The following RAPGEF1 variants were observed in gnomAD, a reference collection of about 807,000 sequenced individuals.
The protein encoded by RAPGEF1 is CRK SH3-binding GNRP.
RAPGEF1 carries 33 observed loss-of-function variants against 143.3 expected under a neutral mutation model. The ratio of observed to expected loss-of-function variants is 0.23; its 90% CI spans 0.17 to 0.31. The LOEUF (loss-of-function observed/expected upper bound fraction) is 0.31, where lower values mean the gene tolerates loss of function less well. Among genes scored for constraint, RAPGEF1 ranks in the 10% least tolerant of loss-of-function variants. The pLI is 1.00. For missense variants in RAPGEF1, 1,199 were observed against 1,645.4 expected (o/e 0.73, Z 4.69); for synonymous variants, 629 against 676.5 (o/e 0.93, Z 1.09).
At position 131,584,775 on chromosome 9, in the gene RAPGEF1, C is replaced by A. The variant is rs1213835364; in HGVS notation, c.3234-179G>T. Among the ~76,000 whole-genome samples, 1 of 152,228 alleles carries A rather than the reference C, an allele frequency of 6.6e-6. No homozygotes were observed. Among genetic ancestry groups the A allele is most frequent in the African/African-American group, 2.4e-5 (1 of 41,450 alleles). Reference sequence around the variant, plus strand: ...GTTTCTGCTCTCCAGGAGCTCATAACATCCTGGGACAGAGGCACAAGGAAA... The same window carrying A: ...GTTTCTGCTCTCCAGGAGCTCATAAAATCCTGGGACAGAGGCACAAGGAAA... On this transcript the variant is annotated intron_variant, in intron 22 of 26. Coordinates refer to ENST00000683357, the MANE Select transcript of RAPGEF1 (RefSeq NM_001377935.1). The surrounding 1 kb of genome is among the most constrained non-coding windows in gnomAD (Gnocchi z 6.8).
intron 1 of RAPGEF1, among the ~76,000 whole-genome samples, chr9:131,657,156 G>A (rs889802294): frequency 6.6e-6 from 1 of 152,044 alleles, no homozygotes. Context: ...AATGCTTTGC[G>A]ATAGCAGGGT....
intron 1 of RAPGEF1, among the ~76,000 whole-genome samples, chr9:131,722,418 G>A (rs1432960024): frequency 3.9e-5 from 6 of 152,250 alleles, no homozygotes; most frequent in African/African-American, 1.4e-4. Context: ...TGTCAACTCA[G>A]AGAGAGTAAG....
intron 20 of RAPGEF1, 72 bp from the exon 21 acceptor site, chr9:131,588,098 C>A: frequency 1.5e-6 from 2 of 1,303,438 alleles, no homozygotes; most frequent in Non-Finnish European, 1.1e-6. Flanking sequence ...CAGGCCCGGG[C>A]TGCGGGCGTC....
rs1240403356 is a variant in RAPGEF1, at chr9:131,626,256, C to T, written c.1368G>A (p.Gln456=). The change falls in exon 10 of 27, where the codon CAG becomes CAA. Residue 456 remains glutamine, a synonymous_variant. Coordinates refer to ENST00000683357, the MANE Select transcript of RAPGEF1 (RefSeq NM_001377935.1). ...PFQLPLGGHP[Q]PDGPLAPGQQ... is the part of the protein sequence containing the mutation. The stretch of plus-strand genomic sequence containing the variant: ...GCCCTGGGGCCAGAGGTCCGTCTGG[C>T]TGGGGATGGCCGCCAAGAGGCAGCT... The T allele has an allele frequency of 1.9e-6, 3 of 1,613,888 alleles. No homozygotes were observed. In the South Asian group the frequency reaches 3.3e-5, roughly 18 times the overall value.
intron 3 of RAPGEF1, among the ~76,000 whole-genome samples, chr9:131,649,772 T>C (rs1970620110): frequency 6.6e-6 from 1 of 152,120 alleles, no homozygotes; most frequent in South Asian, 2.1e-4. Flanking sequence ...TCAGAAGCCT[T>C]TTCCCTTCTA....
chr9:131,658,801 T>C (rs1973199940), intron 1 of RAPGEF1, among the ~76,000 whole-genome samples: 1 of 152,234 alleles, frequency 6.6e-6, no homozygotes, highest in Non-Finnish European at 1.5e-5. Context: ...CATTCTTAAA[T>C]TTTTAACTTG....
In RAPGEF1 at chr9:131,626,152, C is replaced by T; in HGVS notation, c.1472G>A (p.Cys491Tyr). The T allele has an allele frequency of 5.0e-6, 8 of 1,613,870 alleles. No individual in the cohort carries two copies. Among genetic ancestry groups the T allele is most frequent in the Non-Finnish European group, 6.8e-6 (8 of 1,179,882 alleles). The part of the protein sequence containing the change: ...AASQTADGSG[C>Y]RVSYERHPSQ... ...GGGATGCCGCTCGTAGGACACCCTG[C>T]AGCCAGAGCCGTCCGCCGTCTGGGA... The change falls in exon 10 of 27, where the codon TGC becomes TAC. Residue 491 changes from cysteine (C) to tyrosine (Y), a missense_variant. Transcript: ENST00000683357.
At chr9:131,693,487 T>C (rs1833925907) in intron 1 of RAPGEF1, among the ~76,000 whole-genome samples, 1 of 152,070 alleles carries the variant, frequency 6.6e-6, no homozygotes, top group Non-Finnish European at 1.5e-5. Context: ...AACAGGCCAG[T>C]TGTAGCTGGC....
At chr9:131,644,318 G>A (rs973678694) in intron 3 of RAPGEF1, among the ~76,000 whole-genome samples, 6 of 151,766 alleles carry the variant, frequency 4.0e-5, no homozygotes, top group African/African-American at 1.2e-4. Flanking sequence ...TCAGCTGGCT[G>A]GCAGGAAAAG....
chr9:131,586,750 C>T (rs1363410241), intron 22 of RAPGEF1, among the ~76,000 whole-genome samples: 3 of 97,948 alleles, frequency 3.1e-5, no homozygotes, highest in African/African-American at 8.8e-5. Context: ...ACCTGCAGAG[C>T]GAGACTCCGT....
intron 1 of RAPGEF1, among the ~76,000 whole-genome samples, chr9:131,722,960 G>T (rs1359545496): frequency 1.3e-5 from 2 of 152,258 alleles, no homozygotes; most frequent in Admixed American, 1.3e-4. Flanking sequence ...TTGGGAGGCT[G>T]AGGCTGGCAG....
chr9:131,579,749 C>T, intron 26 of RAPGEF1, 102 bp from the exon 27 acceptor site: 1 of 1,300,536 alleles, frequency 7.7e-7, no homozygotes, highest in Non-Finnish European at 1.1e-6. Flanking sequence ...TCCCCACAGC[C>T]TCGCAGCAAA....
chr9:131,615,580 G>A (rs992143881), intron 12 of RAPGEF1, among the ~76,000 whole-genome samples: 1 of 152,238 alleles, frequency 6.6e-6, no homozygotes, highest in African/African-American at 2.4e-5. Flanking sequence ...GCCTGCGGAT[G>A]GGGAGGACTG....
intron 12 of RAPGEF1, among the ~76,000 whole-genome samples, chr9:131,612,189 G>T (rs1231971775): frequency 6.6e-6 from 1 of 152,216 alleles, no homozygotes; most frequent in African/African-American, 2.4e-5. Flanking sequence ...AAGAAGGTTT[G>T]TGTCTATTTC....
chr9:131,643,134 T>C, intron 4 of RAPGEF1, 105 bp downstream of exon 4: 4 of 1,333,216 alleles, frequency 3.0e-6, no homozygotes, highest in Non-Finnish European at 4.0e-6. Context: ...ATGGAGTCCT[T>C]TTCCTGACTG....
At chr9:131,613,330 G>A (rs1236109654) in intron 12 of RAPGEF1, among the ~76,000 whole-genome samples, 1 of 152,158 alleles carries the variant, frequency 6.6e-6, no homozygotes, top group Non-Finnish European at 1.5e-5. Context: ...GTGGAGGTGT[G>A]CAGGGGACAG....
intron 1 of RAPGEF1, among the ~76,000 whole-genome samples, chr9:131,696,240 C>T (rs1834164201): frequency 6.6e-6 from 1 of 152,162 alleles, no homozygotes; most frequent in Non-Finnish European, 1.5e-5. Flanking sequence ...GGGGATGACA[C>T]CTGAGTGTGA....
intron 1 of RAPGEF1, chr9:131,737,385 T>A: frequency 6.2e-7 from 1 of 1,613,746 alleles, no homozygotes; most frequent in Non-Finnish European, 8.5e-7. Flanking sequence ...ATTCCCGCAC[T>A]CATGACACCC....
At chr9:131,633,646 A>G (rs1317012103) in intron 5 of RAPGEF1, among the ~76,000 whole-genome samples, 1 of 152,050 alleles carries the variant, frequency 6.6e-6, no homozygotes, top group African/African-American at 2.4e-5. Flanking sequence ...CCCAAATTCA[A>G]AGATGACGTC....
Sources: gnomAD v4.1 joint callset for allele counts (sites outside exome capture counted in the v4.1 genomes callset) on GRCh38, gnomAD v4.1.1 for gene constraint, Gnocchi (gnomAD v3.1) non-coding constraint, MANE v1.5 for transcripts, NCBI Gene and HGNC (gene_info 2026-07-23, HGNC 2026-07-21) for gene names.